CD1B: variants seen among roughly 807,000 people sequenced by gnomAD.
The protein encoded by CD1B is CD1b molecule.
CD1B carries 43 observed loss-of-function variants against 39.8 expected under a neutral mutation model. The ratio of observed to expected loss-of-function variants is 1.08; its 90% CI spans 0.85 to 1.39. The LOEUF is 1.39. Among genes scored for constraint, CD1B ranks in the 40% most tolerant of loss-of-function variants. The pLI is 0.00. For missense variants in CD1B, 495 were observed against 403.8 expected (o/e 1.23, Z -1.94); for synonymous variants, 192 against 152.5 (o/e 1.26, Z -1.91).
the CD1B span, among the ~76,000 whole-genome samples, chr1:158,302,481 A>C: frequency 1.3e-5 from 2 of 152,086 alleles, no homozygotes; most frequent in African/African-American, 4.8e-5. Context: ...ACTATATAGA[A>C]GATAAACAAA....
chr1:158,319,685 G>A, the CD1B span, among the ~76,000 whole-genome samples: 1 of 152,236 alleles, frequency 6.6e-6, no homozygotes, highest in Non-Finnish European at 1.5e-5. Flanking sequence ...TCTCTGTCCA[G>A]CTTTGTTCCA....
the CD1B span, chr1:158,290,181 G>A: frequency 6.7e-7 from 1 of 1,498,444 alleles, no homozygotes; most frequent in Non-Finnish European, 9.3e-7. Flanking sequence ...AGTGTGCTGG[G>A]CTTTCCCGAG....
At chr1:158,301,934 G>T in the CD1B span, among the ~76,000 whole-genome samples, 2 of 151,822 alleles carry the variant, frequency 1.3e-5, no homozygotes, top group Admixed American at 6.6e-5. Flanking sequence ...ATCAAACATA[G>T]ATTTTTTTCT....
At chr1:158,331,306 G>A in intron 1 of CD1B, 57 bp downstream of exon 1, 1 of 1,512,638 alleles carries the variant, frequency 6.6e-7, no homozygotes, top group Non-Finnish European at 9.2e-7. Context: ...AGCCCTGCTT[G>A]CTTTTTAAAA....
the CD1B span, chr1:158,293,619 T>G: frequency 6.3e-7 from 1 of 1,587,784 alleles, no homozygotes; most frequent in Non-Finnish European, 8.6e-7. Context: ...AAAACCAAAT[T>G]CTAATTTGGA....
chr1:158,328,734 C>A (rs143290689), intron 5 of CD1B, among the ~76,000 whole-genome samples, 187 bp downstream of exon 5: 1 of 151,988 alleles, frequency 6.6e-6, no homozygotes, highest in East Asian at 1.9e-4. Flanking sequence ...AGATGGTAAA[C>A]CTTATGTTAT....
chr1:158,304,227 G>C, the CD1B span, among the ~76,000 whole-genome samples: 1 of 152,090 alleles, frequency 6.6e-6, no homozygotes, highest in East Asian at 1.9e-4. Flanking sequence ...CAGGAAAATC[G>C]GGTCATTCCC....
In CD1B at chr1:158,329,614, A is replaced by T. The variant is rs1046811068; in HGVS notation, c.642T>A (p.Ser214Arg). The T allele has an allele frequency of 6.2e-7, 1 of 1,614,132 alleles. No individual in the cohort carries two copies. Among genetic ancestry groups the T allele is most frequent in the African/African-American group, 1.3e-5 (1 of 75,034 alleles). ...CAAGCTGCAGACGGCCAGGTCCAGGACTGGGGCCACTGGACAGCCAGGCCT... is the reference window on the plus strand; with the variant it reads ...CAAGCTGCAGACGGCCAGGTCCAGGTCTGGGGCCACTGGACAGCCAGGCCT... ...KPEAWLSSGP[S>R]PGPGRLQLVC... The change falls in exon 4 of 6, where the codon AGT becomes AGA. Residue 214 changes from serine to arginine, a missense_variant. Transcript: ENST00000368168.
chr1:158,322,682 G>A, the CD1B span, among the ~76,000 whole-genome samples: 1 of 152,194 alleles, frequency 6.6e-6, no homozygotes, highest in African/African-American at 2.4e-5. Flanking sequence ...TTGTAAGACA[G>A]ATCTGGTGGT....
At chr1:158,303,116 G>T in the CD1B span, among the ~76,000 whole-genome samples, 5 of 152,256 alleles carry the variant, frequency 3.3e-5, no homozygotes, top group East Asian at 9.6e-4. Context: ...TGGGACTCAA[G>T]GTTGGTTCAA....
chr1:158,287,038 G>A, the CD1B span, among the ~76,000 whole-genome samples: 1 of 152,108 alleles, frequency 6.6e-6, no homozygotes, highest in African/African-American at 2.4e-5. Flanking sequence ...CTGCTCAGGT[G>A]GGGAACTTAG....
chr1:158,303,012 A>T, the CD1B span, among the ~76,000 whole-genome samples: 12 of 152,188 alleles, frequency 7.9e-5, no homozygotes, highest in Admixed American at 4.6e-4. Flanking sequence ...TTCCTGAAGA[A>T]TATATATGCA....
the CD1B span, among the ~76,000 whole-genome samples, chr1:158,314,661 T>C: frequency 6.6e-6 from 1 of 152,122 alleles, no homozygotes; most frequent in East Asian, 1.9e-4. Context: ...ATTTTTTTAT[T>C]TTTTTATTAT....
In CD1B at chr1:158,329,636, G is replaced by T. The variant is rs372119438; in HGVS notation, c.620C>A (p.Ala207Asp). The change falls in exon 4 of 6, where the codon GCC becomes GAC. Residue 207 changes from alanine to aspartate, a missense_variant. Coordinates refer to ENST00000368168, the MANE Select transcript of CD1B (RefSeq NM_001764.3). The stretch of plus-strand genomic sequence containing the variant: ...AGGACTGGGGCCACTGGACAGCCAG[G>T]CCTCAGGCTTCACTAAGGCAGGAAG... The part of the protein sequence containing the change: ...ADLQRQVKPE[A>D]WLSSGPSPGP... The T allele has an allele frequency of 7.4e-6, 12 of 1,613,730 alleles. No individual in the cohort carries two copies. Among genetic ancestry groups the T allele is most frequent in the Non-Finnish European group, 1.0e-5 (12 of 1,179,836 alleles).
At chr1:158,316,235 A>G in the CD1B span, among the ~76,000 whole-genome samples, 1 of 151,924 alleles carries the variant, frequency 6.6e-6, no homozygotes, top group African/African-American at 2.4e-5. Flanking sequence ...TGAATCTGTA[A>G]ATTACCTTGG....
At chr1:158,314,053 T>C in the CD1B span, among the ~76,000 whole-genome samples, 2 of 152,294 alleles carry the variant, frequency 1.3e-5, no homozygotes, top group Admixed American at 1.3e-4. Flanking sequence ...CTCCTCTTTT[T>C]TTCTTAATTT....
the CD1B span, among the ~76,000 whole-genome samples, chr1:158,301,976 C>G: frequency 6.6e-6 from 1 of 151,852 alleles, no homozygotes; most frequent in Non-Finnish European, 1.5e-5. Context: ...CAGAATACAC[C>G]TGTCTTCTGC....
chr1:158,295,964 C>CA, the CD1B span, among the ~76,000 whole-genome samples: 3 of 152,278 alleles, frequency 2.0e-5, no homozygotes, highest in Admixed American at 2.0e-4. Context: ...CACTGCTGCA[C>CA]TGTCCCCACT....
the CD1B span, among the ~76,000 whole-genome samples, chr1:158,295,402 A>T: frequency 6.6e-6 from 1 of 152,140 alleles, no homozygotes; most frequent in Non-Finnish European, 1.5e-5. Context: ...CACTCTATCC[A>T]TGAACCTCTG....
Sources: allele counts gnomAD v4.1 joint callset (sites outside exome capture counted in the v4.1 genomes callset), GRCh38; gene constraint gnomAD v4.1.1; transcripts MANE v1.5; gene names NCBI Gene and HGNC (gene_info 2026-07-23, HGNC 2026-07-21).